RAB36: variants seen among roughly 807,000 people sequenced by gnomAD.
RAB36 encodes the protein RAB36, member RAS oncogene family.
In RAB36, 33 loss-of-function variants were observed where a neutral mutation model predicts 39.3. That is an observed-to-expected ratio of 0.84 (90% CI 0.64 to 1.12). The LOEUF is 1.12. Ranked by LOEUF, RAB36 falls within the 50% of genes most tolerant of loss-of-function variation. The pLI, the probability that RAB36 is intolerant of heterozygous loss-of-function variation, is 0.00. For synonymous variants in RAB36, 133 were observed against 140.2 expected (o/e 0.95, Z 0.36); for missense variants, 308 against 355.3 (o/e 0.87, Z 1.07).
At chr22:23,156,198 T>C (rs1426106316) in intron 6 of RAB36, 166 bp downstream of exon 6, 1 of 601,374 alleles carries the variant, frequency 1.7e-6, no homozygotes, top group Non-Finnish European at 2.9e-6. Flanking sequence ...GCTGCCTTCA[T>C]CCCCAGGCAC....
chr22:23,145,558 C>A lies in RAB36; in HGVS notation c.-13+7C>A. 1 of 1,598,162 alleles carries A rather than the reference C, an allele frequency of 6.3e-7. No individual in the cohort carries two copies. Among genetic ancestry groups the A allele is most frequent in the Non-Finnish European group, 8.5e-7 (1 of 1,178,084 alleles). ...GCTTTCACAGCCATCGCTGGTGAGT[C>A]AGCTCGCCCACTCTGTCCGACCCTC... is the stretch of plus-strand genomic sequence containing the variant. On this transcript the variant is annotated splice_region_variant and intron_variant, in intron 1 of 10. Transcript: ENST00000263116.
rs1299367780 is a variant in RAB36 at position 23,159,233 on chromosome 22, G to A, written c.599G>A (p.Trp200Ter). Reference protein sequence around the residue: ...HLAREMQAEYWSVSAKTGENV... With the variant: ...HLAREMQAEY Reference sequence around the variant, plus strand: ...GCCAGGGAGATGCAGGCCGAGTACTGGTCAGTGTCGGCCAAGACTGGTGAG... The same window carrying A: ...GCCAGGGAGATGCAGGCCGAGTACTAGTCAGTGTCGGCCAAGACTGGTGAG... The change falls in exon 9 of 11, where the codon TGG becomes TAG. Residue 200 changes from tryptophan (W) to a stop codon, truncating the protein, a stop_gained. Coordinates refer to ENST00000263116, the MANE Select transcript of RAB36 (RefSeq NM_004914.5). LOFTEE classifies it high-confidence loss of function. The A allele has an allele frequency of 1.3e-6, 2 of 1,598,416 alleles. No individual in the cohort carries two copies. Among genetic ancestry groups the A allele is most frequent in the Non-Finnish European group, 1.7e-6 (2 of 1,172,880 alleles).
rs1410627490 is a variant in RAB36, at chr22:23,146,635, C to A, written c.19C>A (p.Pro7Thr). The A allele has an allele frequency of 7.4e-6, 12 of 1,614,000 alleles. No homozygotes were observed. Among genetic ancestry groups the A allele is most frequent in the Non-Finnish European group, 1.0e-5 (12 of 1,179,988 alleles). MRSSLT[P>T]LGPPVSRDRV... ...TGGAAGAATGAGGTCCTCCCTGACA[C>A]CTTTGGGGCCCCCTGTGAGCCGCGA... The change falls in exon 2 of 11, where the codon CCT becomes ACT. Residue 7 changes from proline (P) to threonine (T), a missense_variant. Physicochemically the swap from Pro to Thr is conservative, Grantham distance 38. Coordinates refer to ENST00000263116, the MANE Select transcript of RAB36 (RefSeq NM_004914.5).
Position 23,160,875 on chromosome 22 carries a change from A to G in RAB36, c.620-4A>G, listed in dbSNP as rs1055031227. On this transcript the variant is annotated splice_polypyrimidine_tract_variant and splice_region_variant and intron_variant, in intron 9 of 10. Coordinates refer to ENST00000263116, the MANE Select transcript of RAB36 (RefSeq NM_004914.5). ...GAGGTCCCGGCTGTCTTGTGGGCCC[A>G]CAGGCGAGAACGTGAAGGCATTCTT... 4.3e-6 allele frequency: 7 copies of G among 1,612,742 alleles called. No homozygotes were observed. The highest frequency in any genetic ancestry group is 5.9e-6 in the Non-Finnish European group (7 of 1,179,264).
chr22:23,158,119 C>T, intron 7 of RAB36, 76 bp downstream of exon 7: 1 of 1,589,034 alleles, frequency 6.3e-7, no homozygotes, highest in Non-Finnish European at 8.6e-7. Flanking sequence ...AGACCCTGGC[C>T]AGTGGACCCT....
chr22:23,167,759 G>A (rs2072075530), downstream of RAB36, among the ~76,000 whole-genome samples: 1 of 151,804 alleles, frequency 6.6e-6, no homozygotes. Flanking sequence ...TGTTGCCTGG[G>A]CTGGCCTCAA....
chr22:23,145,938 T>C (rs1051968023), intron 1 of RAB36: 35 of 981,198 alleles, frequency 3.6e-5, no homozygotes, highest in Non-Finnish European at 4.2e-5. Context: ...CAGGCCCACC[T>C]AGAGCCTTCG....
chr22:23,166,530 A>C (rs944598980), downstream of RAB36, among the ~76,000 whole-genome samples: 1 of 152,002 alleles, frequency 6.6e-6, no homozygotes, highest in Non-Finnish European at 1.5e-5. Flanking sequence ...TTCCTCAAGA[A>C]AGCCTGCTTT....
chr22:23,156,194 T>C, intron 6 of RAB36, 162 bp downstream of exon 6: 2 of 610,776 alleles, frequency 3.3e-6, no homozygotes, highest in South Asian at 2.0e-5. Flanking sequence ...GGAAGCTGCC[T>C]TCATCCCCAG....
rs5844548 is a variant in RAB36, at chr22:23,162,914, C to CT, written c.*1364dup. ...TTTTTGTAGTTTTTTATATAAATGA[C>CT]TTTTTTTTTTTTTTGAGATGGAGTT... On this transcript the variant is annotated 3_prime_UTR_variant, in exon 11 of 11. Transcript: ENST00000263116. 130,361 of 300,092 alleles carry CT rather than the reference C, an allele frequency of 0.43. 18,651 individuals are homozygous for CT. The highest frequency in any genetic ancestry group is 0.54 in the East Asian group (5,720 of 10,646). 18.6% of individuals were successfully genotyped at this position (300,092 alleles called of 1,614,324 possible).
chr22:23,155,912 A>G (rs1374641345), intron 5 of RAB36, 56 bp from the exon 6 acceptor site: 1 of 1,508,334 alleles, frequency 6.6e-7, no homozygotes, highest in East Asian at 2.4e-5. Context: ...TTGGCTCAAG[A>G]CACTGTGATT....
intron 6 of RAB36, among the ~76,000 whole-genome samples, chr22:23,157,450 G>A (rs1007919993): frequency 1.3e-5 from 2 of 151,986 alleles, no homozygotes; most frequent in African/African-American, 4.8e-5. Context: ...TAGTAGAGAC[G>A]GGGTTTCACT....
chr22:23,146,583 T>C, intron 1 of RAB36, 22 bp from the exon 2 acceptor site: 1 of 1,612,082 alleles, frequency 6.2e-7, no homozygotes, highest in Non-Finnish European at 8.5e-7. Context: ...CTTAACTGTC[T>C]TTCTCCTGGT....
chr22:23,157,100 G>A (rs1413597265), intron 6 of RAB36, among the ~76,000 whole-genome samples: 4 of 152,188 alleles, frequency 2.6e-5, no homozygotes, highest in Non-Finnish European at 4.4e-5. Flanking sequence ...ACCGGGGTGC[G>A]GCCAGTGATG....
rs565025439 is a variant in RAB36, at chr22:23,154,180, C to G, written c.329+1046C>G. ...AGAATGCTGCAGGCCTGCCTGGGCT[C>G]GGGCCCTCACCTCTACTCTCCTGTG... On this transcript the variant is annotated intron_variant, in intron 5 of 10. Transcript: ENST00000263116. 6.8e-4 allele frequency among the ~76,000 whole-genome samples: 103 copies of G among 152,198 alleles called. 1 individual carries two copies. The highest frequency in any genetic ancestry group is 6.8e-3 in the Middle Eastern group (2 of 294).
chr22:23,145,820 G>A (rs1265580559), intron 1 of RAB36: 1 of 342,216 alleles, frequency 2.9e-6, no homozygotes, highest in Non-Finnish European at 4.1e-6. Context: ...GAGGAGTCCG[G>A]ACAGAAAAAG....
chr22:23,160,791 G>A (rs1261457841), intron 9 of RAB36, 88 bp from the exon 10 acceptor site: 5 of 1,541,588 alleles, frequency 3.2e-6, no homozygotes, highest in Non-Finnish European at 4.4e-6. Context: ...GCCAACCTGA[G>A]GGTAGGCTAG....
chr22:23,157,110 G>T (rs1291061480), intron 6 of RAB36, among the ~76,000 whole-genome samples: 2 of 152,210 alleles, frequency 1.3e-5, no homozygotes, highest in African/African-American at 2.4e-5. Flanking sequence ...GGCCAGTGAT[G>T]AGAGGAGCTG....
intron 3 of RAB36, 84 bp downstream of exon 3, chr22:23,150,238 A>T: frequency 9.1e-7 from 1 of 1,103,216 alleles, no homozygotes; most frequent in Non-Finnish European, 1.3e-6. Flanking sequence ...AACAAATGAA[A>T]CACACACACG....
Sources: gnomAD v4.1 joint callset for allele counts (sites outside exome capture counted in the v4.1 genomes callset) on GRCh38, gnomAD v4.1.1 for gene constraint, MANE v1.5 for transcripts, NCBI Gene and HGNC (gene_info 2026-07-23, HGNC 2026-07-21) for gene names.